The following ZXDC variants were observed in gnomAD, a reference collection of about 807,000 sequenced individuals.
The protein encoded by ZXDC is zinc finger protein ZXDC.
In ZXDC, 58 loss-of-function variants were observed where a neutral mutation model predicts 63.6. That is an observed-to-expected ratio of 0.91 (90% CI 0.74 to 1.13). ZXDC has a LOEUF of 1.13. Among genes scored for constraint, ZXDC ranks in the 50% most tolerant of loss-of-function variants. The probability of loss-of-function intolerance (pLI) is 0.00; values close to 1 mark genes in which losing one functional copy is unlikely to be tolerated. For synonymous variants in ZXDC, 561 were observed against 496.1 expected (o/e 1.13, Z -1.74); for missense variants, 1,133 against 1,148.9 (o/e 0.99, Z 0.20).
intron 7 of ZXDC, chr3:126,451,918 C>A (rs1934119206): frequency 1.0e-6 from 1 of 985,324 alleles, no homozygotes; most frequent in Non-Finnish European, 1.2e-6. Context: ...AGAGTTACTG[C>A]ATGTGAAGGA....
chr3:126,455,236 T>G (rs533300287), intron 7 of ZXDC: 3 of 246,502 alleles, frequency 1.2e-5, no homozygotes, highest in Non-Finnish European at 6.5e-6. Flanking sequence ...ACAGTCTCAT[T>G]TGATCCCACT....
Position 126,441,059 on chromosome 3 carries a change from A to G in ZXDC, c.2394+706T>C, listed in dbSNP as rs553836559. The G allele has an allele frequency of 1.2e-3, 1,225 of 985,546 alleles. 1 individual carries two copies. Among genetic ancestry groups the G allele is most frequent in the Admixed American group, 2.0e-3 (32 of 16,288 alleles). The allele number at this position is 985,546 out of a possible 1,614,324, so 61.1% of individuals were successfully genotyped here. ...CCAAACCCAGACAGCCCCGGCTTGT[A>G]TATCTCTTCTCTCCCCAAATCCTTC... On this transcript the variant is annotated intron_variant, in intron 8 of 9. Coordinates refer to ENST00000389709, the MANE Select transcript of ZXDC (RefSeq NM_025112.5).
Position 126,441,958 on chromosome 3 carries a change from T to C in ZXDC, c.2213-12A>G, listed in dbSNP as rs760081747. 4.4e-6 allele frequency: 7 copies of C among 1,580,478 alleles called. No homozygotes were observed. Among genetic ancestry groups the C allele is most frequent in the Admixed American group, 1.8e-5 (1 of 56,176 alleles). ...AGACTGTGAGGCTCCTAAAATGAAA[T>C]ATAAAAACGAGCACACCCAATCTAC... is the stretch of plus-strand genomic sequence containing the variant. On this transcript the variant is annotated splice_polypyrimidine_tract_variant and intron_variant, in intron 7 of 9. Coordinates refer to ENST00000389709, the MANE Select transcript of ZXDC (RefSeq NM_025112.5).
At chr3:126,448,331 A>G (rs1272789644) in intron 7 of ZXDC, among the ~76,000 whole-genome samples, 1 of 152,208 alleles carries the variant, frequency 6.6e-6, no homozygotes, top group Non-Finnish European at 1.5e-5. Flanking sequence ...GGCCCTGCAC[A>G]TGGAGCTTAC....
intron 6 of ZXDC, chr3:126,460,844 T>C (rs1399074576): frequency 1.0e-6 from 1 of 985,292 alleles, no homozygotes; most frequent in Non-Finnish European, 1.2e-6. Context: ...AAATAAGATG[T>C]AACATTCTCA....
intron 1 of ZXDC, among the ~76,000 whole-genome samples, chr3:126,472,939 A>C (rs1252017789): frequency 1.3e-5 from 2 of 152,202 alleles, no homozygotes; most frequent in African/African-American, 4.8e-5. Context: ...CCTCCGACAG[A>C]AACATTCAGG....
intron 7 of ZXDC, chr3:126,453,980 T>C: frequency 6.5e-6 from 6 of 926,696 alleles, no homozygotes; most frequent in Non-Finnish European, 6.4e-6. Flanking sequence ...TGTATATATA[T>C]ATGTGTACAT....
intron 7 of ZXDC, chr3:126,451,596 C>A (rs1560093532): frequency 2.0e-6 from 2 of 985,326 alleles, no homozygotes; most frequent in Non-Finnish European, 2.4e-6. Flanking sequence ...GCGCTGTGTG[C>A]ACCAAGGCCG....
intron 5 of ZXDC, among the ~76,000 whole-genome samples, chr3:126,463,103 C>G (rs2107649866): frequency 6.6e-6 from 1 of 151,764 alleles, no homozygotes; most frequent in South Asian, 2.1e-4. Context: ...GAGTCTCGCT[C>G]TGTCGCCCAG....
At chr3:126,442,007 T>C in intron 7 of ZXDC, 61 bp from the exon 8 acceptor site, 2 of 1,479,162 alleles carry the variant, frequency 1.4e-6, no homozygotes, top group Non-Finnish European at 1.8e-6. Context: ...GGTCTGCCCT[T>C]ACCAAGGTCT....
chr3:126,459,276 C>G (rs1182678414), intron 7 of ZXDC: 1 of 985,318 alleles, frequency 1.0e-6, no homozygotes, highest in Non-Finnish European at 1.2e-6. Flanking sequence ...GGGACAGTGG[C>G]AGTCCCCAGG....
chr3:126,453,599 A>G (rs1934193308), intron 7 of ZXDC: 1 of 985,492 alleles, frequency 1.0e-6, no homozygotes, highest in Non-Finnish European at 1.2e-6. Flanking sequence ...TTCACAAAGG[A>G]GAAAGCTGAA....
At chr3:126,461,082 C>CTT in intron 6 of ZXDC, 2 of 766,268 alleles carry the variant, frequency 2.6e-6, no homozygotes, top group African/African-American at 1.9e-5. Context: ...AAACCCCACC[C>CTT]TTTTTTTTTT....
intron 7 of ZXDC, chr3:126,454,628 T>G: frequency 1.0e-6 from 1 of 985,428 alleles, no homozygotes; most frequent in African/African-American, 1.7e-5. Flanking sequence ...CTCATTACAC[T>G]TCACTGTGAC....
At chr3:126,447,816 G>A (rs1216658377) in intron 7 of ZXDC, among the ~76,000 whole-genome samples, 31 of 152,236 alleles carry the variant, frequency 2.0e-4, no homozygotes, top group Admixed American at 2.0e-3. Flanking sequence ...CATGCTGACA[G>A]GCTGCCTCGC....
At position 126,461,675 on chromosome 3, in the gene ZXDC, G is replaced by A; in HGVS notation, c.1987C>T (p.Pro663Ser). Reference protein sequence around the residue: ...PELLAPIKVEPDSPSRPGAVG... With the variant: ...PELLAPIKVESDSPSRPGAVG... ...GCTCCTGGGCGAGAAGGCGAGTCCG[G>A]CTCCACCTTGATTGGAGCCAGCAGT... is the stretch of plus-strand genomic sequence containing the variant. Residue 663 changes from proline to serine, a missense_variant, in exon 6 of 10, where the codon CCG becomes TCG. Transcript: ENST00000389709. The A allele has an allele frequency of 6.2e-7, 1 of 1,613,816 alleles. No individual in the cohort carries two copies. The highest frequency in any genetic ancestry group is 8.5e-7 in the Non-Finnish European group (1 of 1,179,986).
chr3:126,452,744 CTTTTTTT>C (rs34131353), intron 7 of ZXDC, among the ~76,000 whole-genome samples: 1 of 143,222 alleles, frequency 7.0e-6, no homozygotes. Context: ...TGCAGTTTTT[CTTTTTTT>C]TTTTTTTGAG....
chr3:126,440,705 C>T lies in ZXDC; in HGVS notation c.2395-978G>A, dbSNP rs916884253. ...AAACAAAGGACCAGTGCTCCTGCCCCTCTCTAAGACAAGCTTCAGCCCCCA... is the reference window on the plus strand; with the variant it reads ...AAACAAAGGACCAGTGCTCCTGCCCTTCTCTAAGACAAGCTTCAGCCCCCA... On this transcript the variant is annotated intron_variant, in intron 8 of 9. Coordinates refer to ENST00000389709, the MANE Select transcript of ZXDC (RefSeq NM_025112.5). 4 of 985,670 alleles carry T rather than the reference C, an allele frequency of 4.1e-6. No individual in the cohort carries two copies. In the African/African-American group the frequency reaches 7.0e-5, roughly 17 times the overall value. The allele number at this position is 985,670 out of a possible 1,614,324, so 61.1% of individuals were successfully genotyped here. A position where few individuals can be genotyped will look rare whatever the true frequency, so the allele number is the denominator to read the frequency against.
rs139704500 is a variant in ZXDC at position 126,458,753 on chromosome 3, C to G, written c.2212+900G>C. On this transcript the variant is annotated intron_variant, in intron 7 of 9. Transcript: ENST00000389709. ...AACTTTCCTTGGTATATGGTCAACT[C>G]TTTCTACAAATTTCACCACCACACT... The G allele has an allele frequency of 4.1e-3, 4,040 of 985,408 alleles. 10 individuals carry two copies. The highest frequency in any genetic ancestry group is 4.5e-3 in the Non-Finnish European group (3,714 of 829,918). 61.0% of individuals were successfully genotyped at this position (985,408 alleles called of 1,614,324 possible). A position where few individuals can be genotyped will look rare whatever the true frequency, so the allele number is the denominator to read the frequency against.
Sources: gnomAD v4.1 joint callset for allele counts (sites outside exome capture counted in the v4.1 genomes callset) on GRCh38, gnomAD v4.1.1 for gene constraint, MANE v1.5 for transcripts, NCBI Gene and HGNC (gene_info 2026-07-23, HGNC 2026-07-21) for gene names.